The following ZFHX2 variants were observed in gnomAD, a reference collection of about 807,000 sequenced individuals.
ZFHX2 encodes the protein zinc finger homeobox 2.
ZFHX2 carries 75 observed loss-of-function variants against 164.8 expected under a neutral mutation model. That is an observed-to-expected ratio of 0.46 (90% CI 0.38 to 0.55). The LOEUF is 0.55. Ranked by LOEUF, ZFHX2 falls within the 20% of genes least tolerant of loss-of-function variation. ZFHX2 has a pLI of 0.00. For synonymous variants in ZFHX2, 1,217 were observed against 1,351.4 expected (o/e 0.90, Z 2.18); for missense variants, 2,933 against 3,308.0 (o/e 0.89, Z 2.78).
chr14:23,535,138 G>A lies in ZFHX2; in HGVS notation c.188C>T (p.Ser63Leu), dbSNP rs764357657. The A allele has an allele frequency of 2.7e-5, 41 of 1,536,092 alleles. No homozygotes were observed. The highest frequency in any genetic ancestry group is 7.3e-5 in the East Asian group (3 of 40,910). The change falls in exon 2 of 10, where the codon TCG becomes TTG. Residue 63 changes from serine to leucine, a missense_variant. Ser to Leu is a moderately radical substitution (Grantham distance 145, BLOSUM62 -2). Coordinates refer to ENST00000419474, the MANE Select transcript of ZFHX2 (RefSeq NM_033400.3). The surrounding 1 kb of genome is among the most constrained non-coding windows in gnomAD (Gnocchi z 4.5). ...CTTTGGTGGGACGAGGCCACAGCCC[G>A]ACTCCAGGAGCTGTCCCCCTGGCTC... ...SSEPGGQLLE[S>L]GCGLVPPKEI...
At chr14:23,548,999 G>A (rs973558837) in intron 1 of ZFHX2, among the ~76,000 whole-genome samples, 3 of 152,008 alleles carry the variant, frequency 2.0e-5, no homozygotes, top group Admixed American at 6.5e-5. Flanking sequence ...TCCTTCGTTT[G>A]CCATCCATTT....
intron 1 of ZFHX2, among the ~76,000 whole-genome samples, chr14:23,542,001 A>C (rs1203158740): frequency 6.6e-6 from 1 of 152,188 alleles, no homozygotes; most frequent in East Asian, 1.9e-4. Context: ...TATGGCAGGG[A>C]ATGAGACAAG....
At position 23,531,547 on chromosome 14, in the gene ZFHX2, T is replaced by C. The variant is rs2138762743; in HGVS notation, c.2734A>G (p.Thr912Ala). Residue 912 changes from threonine to alanine, a missense_variant, in exon 4 of 10, where the codon ACT (threonine) becomes GCT (alanine). Thr to Ala is a moderately conservative substitution (Grantham distance 58). Transcript: ENST00000419474. ...RLQLLQNGPT[T>A]EEGLAALQSI... is the part of the protein sequence containing the mutation. Reference sequence around the variant, plus strand: ...TGAAGAGCTGCGAGTCCTTCCTCAGTGGTTGGGCCATTCTGTAGCAGCTGC... The same window carrying C: ...TGAAGAGCTGCGAGTCCTTCCTCAGCGGTTGGGCCATTCTGTAGCAGCTGC... The C allele has an allele frequency of 6.6e-7, 1 of 1,520,274 alleles. No individual in the cohort carries two copies. Among genetic ancestry groups the C allele is most frequent in the Non-Finnish European group, 8.8e-7 (1 of 1,136,938 alleles). 94.2% of individuals were successfully genotyped at this position (1,520,274 alleles called of 1,614,324 possible). A position where few individuals can be genotyped will look rare whatever the true frequency, so the allele number is the denominator to read the frequency against.
In ZFHX2 at chr14:23,533,323, T is replaced by G. The variant is rs1392844743; in HGVS notation, c.2003A>C (p.His668Pro). ...CTTGCGGGCAGGTGCTCCTACGTGG[T>G]GGAAACCATTGAGAAGTAGCTGGGC... ...LEAQLLLNGFHHVGAPARKFP... is the reference protein window; with the variant it reads ...LEAQLLLNGFPHVGAPARKFP... Residue 668 changes from histidine to proline, a missense_variant, in exon 2 of 10, where the codon CAC becomes CCC. Physicochemically the swap from His to Pro is moderately conservative, Grantham distance 77 (BLOSUM62 -2). Transcript: ENST00000419474. This position sits in a 1 kb window ranked among gnomAD's most constrained non-coding sequence, Gnocchi z 4.8. 1 of 1,438,338 alleles carries G rather than the reference T, an allele frequency of 7.0e-7. No homozygotes were observed. The highest frequency in any genetic ancestry group is 9.1e-7 in the Non-Finnish European group (1 of 1,100,514). The allele number at this position is 1,438,338 out of a possible 1,614,324, so 89.1% of individuals were successfully genotyped here. A position where few individuals can be genotyped will look rare whatever the true frequency, so the allele number is the denominator to read the frequency against.
At position 23,534,974 on chromosome 14, in the gene ZFHX2, C is replaced by T. The variant is rs766178611; in HGVS notation, c.352G>A (p.Ala118Thr). ...GCCACTAGGTAGGCCTCACCTCCAG[C>T]TGTGAAGAATAAGTGGTTGCTTAGG... Reference protein sequence around the residue: ...MDLSNHLFFTAGGEAYLVAKL... With the variant: ...MDLSNHLFFTTGGEAYLVAKL... The change falls in exon 2 of 10, where the codon GCT becomes ACT. Residue 118 changes from alanine (A) to threonine (T), a missense_variant. Transcript: ENST00000419474. This position sits in a 1 kb window ranked among gnomAD's most constrained non-coding sequence, Gnocchi z 4.5. 1 of 1,536,190 alleles carries T rather than the reference C, an allele frequency of 6.5e-7. No homozygotes were observed. The highest frequency in any genetic ancestry group is 1.2e-5 in the South Asian group (1 of 84,064).
In ZFHX2 at chr14:23,523,784, G is replaced by A. The variant is rs2138663190; in HGVS notation, c.6158C>T (p.Pro2053Leu). ...SPGAGGTSGG[P>L]GGGTGVPDGM... is the part of the protein sequence containing the mutation. ...ATCTGGAACCCCAGTCCCACCTCCA[G>A]GTCCCCCACTGGTCCCTCCAGCCCC... Residue 2053 changes from proline to leucine, a missense_variant, in exon 9 of 10, where the codon CCT becomes CTT. Transcript: ENST00000419474. This position sits in a 1 kb window ranked among gnomAD's most constrained non-coding sequence, Gnocchi z 4.1. 1 of 1,536,210 alleles carries A rather than the reference G, an allele frequency of 6.5e-7. No homozygotes were observed. Among genetic ancestry groups the A allele is most frequent in the Non-Finnish European group, 8.7e-7 (1 of 1,146,904 alleles).
In ZFHX2 at chr14:23,534,849, G is replaced by A; in HGVS notation, c.477C>T (p.Ala159=). 1 of 1,536,156 alleles carries A rather than the reference G, an allele frequency of 6.5e-7. No individual in the cohort carries two copies. The highest frequency in any genetic ancestry group is 8.7e-7 in the Non-Finnish European group (1 of 1,146,902). The change falls in exon 2 of 10, where the codon GCC becomes GCT. Residue 159 remains alanine (A), a synonymous_variant. Coordinates refer to ENST00000419474, the MANE Select transcript of ZFHX2 (RefSeq NM_033400.3). This position sits in a 1 kb window ranked among gnomAD's most constrained non-coding sequence, Gnocchi z 4.5. The stretch of plus-strand genomic sequence containing the variant: ...CAGTGAGGTGTGAGGGGGGTGGGTA[G>A]GCAAGGAAGGGCAGACTGGGCTCTT... ...IKEEPSLPFL[A]YPPPSHLTAL... is the part of the protein sequence containing the mutation.
At chr14:23,539,543 G>A (rs963167504) in intron 1 of ZFHX2, among the ~76,000 whole-genome samples, 3 of 152,144 alleles carry the variant, frequency 2.0e-5, no homozygotes, top group Admixed American at 6.5e-5. Flanking sequence ...CTTAAGGACC[G>A]GAGAATTACA....
chr14:23,529,651 G>A (rs1879272911), intron 6 of ZFHX2, 59 bp downstream of exon 6: 1 of 1,428,474 alleles, frequency 7.0e-7, no homozygotes. Flanking sequence ...TAGAATATGA[G>A]CAGATCTCAG....
Position 23,535,698 on chromosome 14 carries a change from T to C in ZFHX2, c.-49-324A>G, listed in dbSNP as rs1268896355. 6.6e-6 allele frequency among the ~76,000 whole-genome samples: 1 copy of C among 152,148 alleles called. No homozygotes were observed. Among genetic ancestry groups the C allele is most frequent in the African/African-American group, 2.4e-5 (1 of 41,418 alleles). ...ACCTCCACCTCCTGGGTTCAAGTGA[T>C]TCTCCTGCCTCAGCCTCCTGAGTAG... On this transcript the variant is annotated intron_variant, in intron 1 of 9. Transcript: ENST00000419474. This position sits in a 1 kb window ranked among gnomAD's most constrained non-coding sequence, Gnocchi z 4.5.
chr14:23,529,297 C>G, intron 6 of ZFHX2: 2 of 205,830 alleles, frequency 9.7e-6, no homozygotes, highest in South Asian at 1.6e-4. Context: ...CAGTTCCATC[C>G]AGGCTCAGGG....
chr14:23,553,243 T>C (rs1453290214), upstream of ZFHX2, among the ~76,000 whole-genome samples: 1 of 152,244 alleles, frequency 6.6e-6, no homozygotes, highest in African/African-American at 2.4e-5. Flanking sequence ...GTTTATACTA[T>C]GTGACAGTTT....
chr14:23,534,705 G>A lies in ZFHX2; in HGVS notation c.621C>T (p.Phe207=), dbSNP rs755514291. Residue 207 remains phenylalanine, a synonymous_variant, in exon 2 of 10, where the codon TTC becomes TTT. Transcript: ENST00000419474. This position sits in a 1 kb window ranked among gnomAD's most constrained non-coding sequence, Gnocchi z 4.5. ...PAACEERHGA[F]WSYQLAPNPP... is the part of the protein sequence containing the mutation. ...GATTTGGAGCCAGCTGGTAGCTCCA[G>A]AAAGCTCCATGCCTTTCCTCACAGG... 1.2e-4 allele frequency: 179 copies of A among 1,536,078 alleles called. No homozygotes were observed. The highest frequency in any genetic ancestry group is 1.7e-4 in the Middle Eastern group (1 of 6,012).
chr14:23,553,523 C>CG (rs201873180), upstream of ZFHX2, among the ~76,000 whole-genome samples: 1 of 151,198 alleles, frequency 6.6e-6, no homozygotes, highest in Non-Finnish European at 1.5e-5. Flanking sequence ...CGCTTGAACC[C>CG]GGGGGGCAGA....
rs1469991901 is a variant in ZFHX2 at position 23,546,269 on chromosome 14, G to C, written c.-50+5074C>G. On this transcript the variant is annotated intron_variant, in intron 1 of 9. Transcript: ENST00000419474. The surrounding 1 kb of genome is among the most constrained non-coding windows in gnomAD (Gnocchi z 4.7). ...TTGATGGTCCTGCTGGGAATTCCAA[G>C]GCCTGAACTTTAGCTTTGATGTAAT... 6.6e-6 allele frequency among the ~76,000 whole-genome samples: 1 copy of C among 152,134 alleles called. No individual in the cohort carries two copies. The highest frequency in any genetic ancestry group is 1.9e-4 in the East Asian group (1 of 5,196).
intron 1 of ZFHX2, among the ~76,000 whole-genome samples, chr14:23,536,954 A>ATGATGAAACCC (rs1555347818): frequency 6.6e-6 from 1 of 151,616 alleles, no homozygotes; most frequent in African/African-American, 2.4e-5. Flanking sequence ...CCTGGCCAAC[A>ATGATGAAACCC]TGGTGAAACC....
Position 23,533,000 on chromosome 14 carries a change from G to A in ZFHX2, c.2126C>T (p.Pro709Leu). 2.6e-6 allele frequency: 4 copies of A among 1,536,186 alleles called. No homozygotes were observed. The highest frequency in any genetic ancestry group is 3.5e-6 in the Non-Finnish European group (4 of 1,146,894). The stretch of plus-strand genomic sequence containing the variant: ...CTTCAGGGACAGGCTGTCGTCTGGG[G>A]GTGGTGAGGTGGGCAGGCTGTCAGA... ...SSSDSLPTSPPPDDSLSLKVF... is the reference protein window; with the variant it reads ...SSSDSLPTSPLPDDSLSLKVF... Residue 709 changes from proline to leucine, a missense_variant, in exon 3 of 10, where the codon CCC (proline) becomes CTC (leucine). Pro to Leu is a moderately conservative substitution (Grantham distance 98). Coordinates refer to ENST00000419474, the MANE Select transcript of ZFHX2 (RefSeq NM_033400.3).
upstream of ZFHX2, among the ~76,000 whole-genome samples, chr14:23,555,438 G>C (rs1882282831): frequency 6.6e-6 from 1 of 152,118 alleles, no homozygotes; most frequent in South Asian, 2.1e-4. Context: ...TTCTCCTTAC[G>C]TACCACCCAG....
At chr14:23,544,414 C>T (rs553361188) in intron 1 of ZFHX2, 26 of 152,138 alleles carry the variant, frequency 1.7e-4, no homozygotes, top group African/African-American at 5.8e-4. Context: ...TGCCTTATTT[C>T]CTGTGTTGGG....
Sources: gnomAD v4.1 joint callset for allele counts (sites outside exome capture counted in the v4.1 genomes callset) on GRCh38, gnomAD v4.1.1 for gene constraint, Gnocchi (gnomAD v3.1) non-coding constraint, MANE v1.5 for transcripts, NCBI Gene and HGNC (gene_info 2026-07-23, HGNC 2026-07-21) for gene names.